The following ARHGAP15 variants were observed in gnomAD, a reference collection of about 807,000 sequenced individuals.
ARHGAP15 encodes the protein Rho GTPase activating protein 15, also known as rho GTPase-activating protein 15.
A neutral mutation model predicts 63.7 loss-of-function variants in ARHGAP15; 51 were observed. The ratio of observed to expected loss-of-function variants is 0.80; its 90% confidence interval spans 0.64 to 1.01. The LOEUF is 1.01. Ranked by LOEUF, ARHGAP15 falls within the 50% of genes least tolerant of loss-of-function variation. The pLI is 0.00. For missense variants in ARHGAP15, 560 were observed against 564.6 expected (o/e 0.99, Z 0.08); for synonymous variants, 191 against 193.8 (o/e 0.99, Z 0.12).
chr2:143,209,814 G>A (rs1397570972), intron 3 of ARHGAP15, among the ~76,000 whole-genome samples: 4 of 152,168 alleles, frequency 2.6e-5, no homozygotes, highest in Non-Finnish European at 5.9e-5. Flanking sequence ...CACGGGTTTT[G>A]AGGAGAGAGA....
intron 6 of ARHGAP15, among the ~76,000 whole-genome samples, chr2:143,407,232 T>C (rs1688236767): frequency 1.3e-5 from 2 of 151,928 alleles, no homozygotes; most frequent in Non-Finnish European, 2.9e-5. Flanking sequence ...TTGTGAATAG[T>C]GTATTGATAG....
chr2:143,540,883 T>C (rs1489812606), intron 10 of ARHGAP15, among the ~76,000 whole-genome samples: 2 of 152,218 alleles, frequency 1.3e-5, no homozygotes, highest in East Asian at 1.9e-4. Context: ...AGGAGAATCT[T>C]TGTGGCATTC....
At chr2:143,343,605 T>C (rs1685152300) in intron 6 of ARHGAP15, among the ~76,000 whole-genome samples, 1 of 152,038 alleles carries the variant, frequency 6.6e-6, no homozygotes, top group African/African-American at 2.4e-5. Flanking sequence ...ATTTGTTGCG[T>C]TAATGAATGA....
intron 12 of ARHGAP15, among the ~76,000 whole-genome samples, chr2:143,683,993 TTTA>T (rs1189281173): frequency 2.6e-5 from 4 of 152,204 alleles, no homozygotes; most frequent in Non-Finnish European, 5.9e-5. Context: ...TCTGCATTAT[TTTA>T]TTATATTGAA....
intron 11 of ARHGAP15, among the ~76,000 whole-genome samples, chr2:143,619,738 A>G (rs1372267165): frequency 6.6e-6 from 1 of 152,118 alleles, no homozygotes; most frequent in African/African-American, 2.4e-5. Context: ...AAGTTCTCAC[A>G]AGATCTGGCT....
chr2:143,544,891 T>C (rs1346807384), intron 10 of ARHGAP15, among the ~76,000 whole-genome samples: 2 of 152,210 alleles, frequency 1.3e-5, no homozygotes, highest in Admixed American at 6.5e-5. Flanking sequence ...GTTTCTCCTG[T>C]ACTCTCAAAA....
At chr2:143,264,001 A>G (rs1344238634) in intron 6 of ARHGAP15, among the ~76,000 whole-genome samples, 1 of 124,326 alleles carries the variant, frequency 8.0e-6, no homozygotes. Flanking sequence ...GTTTTTTTTC[A>G]TCATTCATCA....
rs566175171 is a variant in ARHGAP15 at position 143,230,111 on chromosome 2, C to T, written c.384+1443C>T. On this transcript the variant is annotated intron_variant, in intron 5 of 13. Coordinates refer to ENST00000295095, the MANE Select transcript of ARHGAP15 (RefSeq NM_018460.4). ...TACCATCCACTTGCAGGTCCTTTGT[C>T]TTCCCTTTGAATGAGCTCTAAGGGG... 3.3e-5 allele frequency among the ~76,000 whole-genome samples: 5 copies of T among 152,254 alleles called. No individual in the cohort carries two copies. The East Asian group carries it at 9.7e-4, about 29-fold the overall frequency.
chr2:143,237,946 T>C (rs930706392), intron 5 of ARHGAP15: 16 of 152,192 alleles, frequency 1.1e-4, no homozygotes, highest in African/African-American at 3.9e-4. Context: ...TTTTACTTTT[T>C]AAAAATTATA....
chr2:143,554,512 T>A (rs561320739), intron 10 of ARHGAP15, among the ~76,000 whole-genome samples: 120 of 152,180 alleles, frequency 7.9e-4, no homozygotes, highest in African/African-American at 2.9e-3. Flanking sequence ...TCAAAAAAAT[T>A]AAGAGGGAAA....
Position 143,702,811 on chromosome 2 carries a change from A to G in ARHGAP15, c.1139-608A>G, listed in dbSNP as rs1473365843. ...TGCTCCCGTTGTCACATGAGAACTCATATCACCTTTTCTGACTCTCATTCT... is the reference window on the plus strand; with the variant it reads ...TGCTCCCGTTGTCACATGAGAACTCGTATCACCTTTTCTGACTCTCATTCT... On this transcript the variant is annotated intron_variant, in intron 12 of 13. Coordinates refer to ENST00000295095, the MANE Select transcript of ARHGAP15 (RefSeq NM_018460.4). Among the ~76,000 whole-genome samples, 4 of 152,120 alleles carry G rather than the reference A, an allele frequency of 2.6e-5. No homozygotes were observed. The East Asian group carries it at 7.7e-4, about 29-fold the overall frequency.
intron 4 of ARHGAP15, among the ~76,000 whole-genome samples, chr2:143,221,647 T>G (rs1018675127): frequency 3.3e-5 from 5 of 152,192 alleles, no homozygotes; most frequent in Admixed American, 3.3e-4. Context: ...CCTGACAGTA[T>G]GTTTATGAAG....
intron 2 of ARHGAP15, among the ~76,000 whole-genome samples, chr2:143,200,772 T>C (rs36103269): frequency 0.17 from 25,702 of 151,988 alleles, 2,351 homozygotes; most frequent in Middle Eastern, 0.24. Flanking sequence ...GTTCTAAAAG[T>C]ACATAAGAAA....
At chr2:143,421,885 GAGAGAA>G (rs1284319425) in intron 6 of ARHGAP15, among the ~76,000 whole-genome samples, 4 of 151,560 alleles carry the variant, frequency 2.6e-5, no homozygotes, top group Non-Finnish European at 5.9e-5. Context: ...GAGAGAGTGT[GAGAGAA>G]AGAGAAAGGG....
intron 12 of ARHGAP15, among the ~76,000 whole-genome samples, chr2:143,641,908 C>T (rs2105274776): frequency 6.6e-6 from 1 of 152,060 alleles, no homozygotes. Context: ...TACAAACTTG[C>T]CCCTCAAAAC....
intron 3 of ARHGAP15, among the ~76,000 whole-genome samples, chr2:143,204,938 T>TA (rs201290373): frequency 0.024 from 3,555 of 148,300 alleles, 142 homozygotes; most frequent in African/African-American, 0.083. Flanking sequence ...TAATCTCTCT[T>TA]AAAAAAAAAA....
At chr2:143,137,555 T>A (rs1445342025) in intron 1 of ARHGAP15, among the ~76,000 whole-genome samples, 2 of 152,074 alleles carry the variant, frequency 1.3e-5, no homozygotes, top group African/African-American at 4.8e-5. Flanking sequence ...GTATCCATTA[T>A]ATGCTTCTGA....
chr2:143,664,938 C>A (rs1389124689), intron 12 of ARHGAP15, among the ~76,000 whole-genome samples: 4 of 151,108 alleles, frequency 2.6e-5, no homozygotes, highest in South Asian at 2.1e-4. Flanking sequence ...GTTTACCAAC[C>A]AAAAAGAGTC....
intron 6 of ARHGAP15, among the ~76,000 whole-genome samples, chr2:143,320,929 C>T (rs1030696318): frequency 1.3e-5 from 2 of 152,128 alleles, no homozygotes; most frequent in Admixed American, 6.5e-5. Context: ...GATTTCTGTA[C>T]TTAGGTACAG....
Sources: allele counts gnomAD v4.1 joint callset (sites outside exome capture counted in the v4.1 genomes callset), GRCh38; gene constraint gnomAD v4.1.1; transcripts MANE v1.5; gene names NCBI Gene and HGNC (gene_info 2026-07-23, HGNC 2026-07-21).